Variants in RTKN2 observed in about 807,000 individuals in gnomAD.
RTKN2 encodes rhotekin 2.
Under a neutral mutation model 71.5 loss-of-function variants are expected in RTKN2, and 69 were observed. That is an observed-to-expected ratio of 0.96 (90% confidence interval 0.79 to 1.18). The LOEUF is 1.18. Ranked by LOEUF, RTKN2 falls within the 50% of genes most tolerant of loss-of-function variation. RTKN2 has a pLI of 0.00. For synonymous variants in RTKN2, 236 were observed against 236.5 expected, an observed-to-expected ratio of 1.00 and a Z score of 0.02; for missense variants, 724 against 719.7, an observed-to-expected ratio of 1.01 and a Z score of -0.07.
intron 10 of RTKN2, among the ~76,000 whole-genome samples, chr10:62,203,709 A>C (rs1841493492): frequency 6.6e-6 from 1 of 152,216 alleles, no homozygotes; most frequent in African/African-American, 2.4e-5. Context: ...TTGAACATTT[A>C]TTGAGTGTCT....
intron 2 of RTKN2, among the ~76,000 whole-genome samples, chr10:62,254,009 A>ATTGGAAAC (rs1842628739): frequency 6.6e-6 from 1 of 152,222 alleles, no homozygotes; most frequent in South Asian, 2.1e-4. Context: ...AGAGCTACTA[A>ATTGGAAAC]TTGGAAACTG....
At chr10:62,257,182 C>T (rs1361186643) in intron 2 of RTKN2, among the ~76,000 whole-genome samples, 12 of 152,174 alleles carry the variant, frequency 7.9e-5, no homozygotes, top group Non-Finnish European at 1.8e-4. Context: ...AAGCTCCAGG[C>T]ACCAAATCCT....
chr10:62,225,211 G>C (rs1841995672), intron 6 of RTKN2, among the ~76,000 whole-genome samples: 1 of 152,224 alleles, frequency 6.6e-6, no homozygotes, highest in Admixed American at 6.5e-5. Flanking sequence ...TTTATTGTTT[G>C]TTCCAACCAA....
intron 2 of RTKN2, among the ~76,000 whole-genome samples, chr10:62,249,867 T>C (rs945010350): frequency 6.6e-6 from 1 of 152,192 alleles, no homozygotes; most frequent in Non-Finnish European, 1.5e-5. Context: ...GGGGCTCACA[T>C]AGAAGAGGCA....
At chr10:62,192,879 A>C (rs999764794), downstream of RTKN2, among the ~76,000 whole-genome samples, 3 of 152,220 alleles carry the variant, frequency 2.0e-5, no homozygotes, top group Non-Finnish European at 2.9e-5. Flanking sequence ...CATTGGAAGC[A>C]TATTTTAAAA....
At position 62,239,766 on chromosome 10, in the gene RTKN2, C is replaced by A; in HGVS notation, c.371-1G>T. The A allele has an allele frequency of 6.7e-7, 1 of 1,501,590 alleles. No individual in the cohort carries two copies. Among genetic ancestry groups the A allele is most frequent in the African/African-American group, 1.4e-5 (1 of 72,380 alleles). 93.0% of individuals were successfully genotyped at this position (1,501,590 alleles called of 1,614,324 possible). A position where few individuals can be genotyped will look rare whatever the true frequency, so the allele number is the denominator to read the frequency against. On this transcript the variant is annotated splice_acceptor_variant, in intron 4 of 11. Coordinates refer to ENST00000373789, the MANE Select transcript of RTKN2 (RefSeq NM_145307.4). LOFTEE classifies it high-confidence loss of function. ...CAAAAAATGGCATAGCGTCGTGATC[C>A]TGGAGGAAAAATAACAACATATTAA...
chr10:62,193,124 T>A lies in RTKN2; in HGVS notation c.*4784A>T, dbSNP rs949573103. 2 of 566,024 alleles carry A rather than the reference T, an allele frequency of 3.5e-6. No homozygotes were observed. Among genetic ancestry groups the A allele is most frequent in the African/African-American group, 4.0e-5 (2 of 49,424 alleles). 35.1% of individuals were successfully genotyped at this position (566,024 alleles called of 1,614,324 possible). A position where few individuals can be genotyped will look rare whatever the true frequency, so the allele number is the denominator to read the frequency against. Reference sequence around the variant, plus strand: ...TTATTAAGATTAAGTTCTACAAAAATGCATCCATTCATAATTTTGAGTAGA... The same window carrying A: ...TTATTAAGATTAAGTTCTACAAAAAAGCATCCATTCATAATTTTGAGTAGA... On this transcript the variant is annotated 3_prime_UTR_variant, in exon 12 of 12. Coordinates refer to ENST00000373789, the MANE Select transcript of RTKN2 (RefSeq NM_145307.4).
At chr10:62,218,469 T>C (rs879392230) in intron 7 of RTKN2, among the ~76,000 whole-genome samples, 168 bp from the exon 8 acceptor site, 3 of 152,180 alleles carry the variant, frequency 2.0e-5, no homozygotes, top group Non-Finnish European at 2.9e-5. Flanking sequence ...ACCAGTGCCA[T>C]ATTAAGTGAG....
chr10:62,191,864 G>T (rs917899469), downstream of RTKN2, among the ~76,000 whole-genome samples: 12 of 152,094 alleles, frequency 7.9e-5, no homozygotes, highest in Non-Finnish European at 1.8e-4. Flanking sequence ...TAGGAGAGGG[G>T]TTATAAGTGA....
At position 62,198,303 on chromosome 10, in the gene RTKN2, G is replaced by C. The variant is rs1400609064; in HGVS notation, c.1435C>G (p.Gln479Glu). The change falls in exon 12 of 12, where the codon CAA becomes GAA. Residue 479 changes from glutamine (Q) to glutamate (E), a missense_variant. Coordinates refer to ENST00000373789, the MANE Select transcript of RTKN2 (RefSeq NM_145307.4). ...AGTACCTTTTTCTGGATGACCATTT[G>C]ATGGTTACCATCAAAGAGTGTGGCC... Reference protein sequence around the residue: ...PWATLFDGNHQMVIQKKVLYP... With the variant: ...PWATLFDGNHEMVIQKKVLYP... The C allele has an allele frequency of 6.2e-7, 1 of 1,613,772 alleles. No homozygotes were observed.
intron 6 of RTKN2, among the ~76,000 whole-genome samples, chr10:62,229,025 T>C (rs1160220730): frequency 1.3e-5 from 2 of 152,160 alleles, no homozygotes; most frequent in African/African-American, 4.8e-5. Context: ...CACTTAAGGT[T>C]AGGGATTATG....
At chr10:62,205,109 T>G in intron 9 of RTKN2, 87 bp from the exon 10 acceptor site, 1 of 1,006,588 alleles carries the variant, frequency 9.9e-7, no homozygotes, top group Non-Finnish European at 1.5e-6. Flanking sequence ...CTACCATATT[T>G]ATACCTGATG....
intron 9 of RTKN2, among the ~76,000 whole-genome samples, chr10:62,216,555 A>G (rs1841774333): frequency 6.6e-6 from 1 of 152,100 alleles, no homozygotes; most frequent in Non-Finnish European, 1.5e-5. Flanking sequence ...CTAGATTTCA[A>G]TAGTCTCCTT....
intron 11 of RTKN2, among the ~76,000 whole-genome samples, chr10:62,199,298 C>T (rs1360473634): frequency 6.6e-6 from 1 of 152,062 alleles, no homozygotes; most frequent in Non-Finnish European, 1.5e-5. Flanking sequence ...TAAAATTTTC[C>T]AAAGTATTAA....
At chr10:62,234,072 C>A (rs551459803) in intron 6 of RTKN2, among the ~76,000 whole-genome samples, 10 of 152,152 alleles carry the variant, frequency 6.6e-5, no homozygotes, top group Admixed American at 5.9e-4. Context: ...CAGAAAAATA[C>A]AAGGTGAAAG....
chr10:62,261,524 G>A (rs938628898), intron 2 of RTKN2, among the ~76,000 whole-genome samples: 4 of 152,026 alleles, frequency 2.6e-5, no homozygotes, highest in African/African-American at 7.2e-5. Context: ...GGTGGCACAC[G>A]CCTATAGTCC....
At chr10:62,187,237 TA>T (rs138359416) in intron 8 of RTKN2, among the ~76,000 whole-genome samples, 2,147 of 148,146 alleles carry the variant, frequency 0.014, 50 homozygotes, top group African/African-American at 0.05. Flanking sequence ...TTTGTTCTTG[TA>T]AGTGACTATT....
At chr10:62,255,392 C>T (rs1052717096) in intron 2 of RTKN2, among the ~76,000 whole-genome samples, 1 of 151,966 alleles carries the variant, frequency 6.6e-6, no homozygotes, top group African/African-American at 2.4e-5. Flanking sequence ...AGGCATGGGG[C>T]AGGGAAAATA....
At chr10:62,246,157 T>C (rs962526414) in intron 2 of RTKN2, 100 bp from the exon 3 acceptor site, 1 of 695,736 alleles carries the variant, frequency 1.4e-6, no homozygotes, top group Non-Finnish European at 2.5e-6. Context: ...CAAATGCATA[T>C]CCGTGAATAA....
Sources: gnomAD v4.1 joint callset for allele counts (sites outside exome capture counted in the v4.1 genomes callset) on GRCh38, gnomAD v4.1.1 for gene constraint, MANE v1.5 for transcripts, NCBI Gene and HGNC (gene_info 2026-07-23, HGNC 2026-07-21) for gene names.